TUNAR: variants seen among roughly 807,000 people sequenced by gnomAD.
TUNAR encodes the protein transmembrane neural differentiation associated intracellular calcium regulator.
At chr14:95,896,198 T>C (rs761767105) in intron 2 of TUNAR, among the ~76,000 whole-genome samples, 3 of 152,106 alleles carry the variant, frequency 2.0e-5, no homozygotes, top group Non-Finnish European at 4.4e-5. Flanking sequence ...TTCCTACCGA[T>C]CTCAACGATT....
At position 95,912,041 on chromosome 14, in the gene TUNAR, G is replaced by A. The variant is rs149796182; in HGVS notation, c.13-10740G>A. Among the ~76,000 whole-genome samples the A allele has an allele frequency of 8.4e-4, 128 of 152,290 alleles. 1 individual carries two copies. The highest frequency in any genetic ancestry group is 2.9e-3 in the African/African-American group (120 of 41,564). The stretch of plus-strand genomic sequence containing the variant: ...TGAAGATTTCTCCTTGCATACCGGC[G>A]TTGTTCTTGTCACTTGGCTGGTGAG... On this transcript the variant is annotated intron_variant, in intron 2 of 2. Transcript: ENST00000678517.
At chr14:95,913,263 T>C (rs188768811) in intron 2 of TUNAR, among the ~76,000 whole-genome samples, 1 of 151,928 alleles carries the variant, frequency 6.6e-6, no homozygotes, top group Admixed American at 6.6e-5. Flanking sequence ...CATCATCATC[T>C]AGGTTTTAAG....
intron 2 of TUNAR, among the ~76,000 whole-genome samples, chr14:95,903,506 C>T (rs1438925221): frequency 6.6e-6 from 1 of 152,334 alleles, no homozygotes; most frequent in African/African-American, 2.4e-5. Context: ...TTGTTCTGCT[C>T]GCAGAGTTCT....
chr14:95,892,239 C>T (rs1053100097), intron 2 of TUNAR, among the ~76,000 whole-genome samples: 2 of 152,232 alleles, frequency 1.3e-5, no homozygotes, highest in Non-Finnish European at 2.9e-5. Context: ...GTGGGTTCTC[C>T]TCAATCCCCT....
intron 2 of TUNAR, among the ~76,000 whole-genome samples, chr14:95,891,635 A>T (rs1889182321): frequency 6.6e-6 from 1 of 152,226 alleles, no homozygotes; most frequent in African/African-American, 2.4e-5. Flanking sequence ...TACACTCGCT[A>T]CACATGCAGT....
chr14:95,884,584 G>T (rs940244145), intron 2 of TUNAR, among the ~76,000 whole-genome samples: 1 of 152,242 alleles, frequency 6.6e-6, no homozygotes, highest in Non-Finnish European at 1.5e-5. Context: ...TCTAGGCACC[G>T]TGTTACAGGG....
At chr14:95,900,495 C>T (rs1889334895) in intron 2 of TUNAR, among the ~76,000 whole-genome samples, 1 of 152,196 alleles carries the variant, frequency 6.6e-6, no homozygotes, top group East Asian at 1.9e-4. Context: ...CAGGCCCATC[C>T]CAGGGCTGCT....
At chr14:95,888,314 G>A (rs767726384) in intron 2 of TUNAR, among the ~76,000 whole-genome samples, 1 of 152,208 alleles carries the variant, frequency 6.6e-6, no homozygotes, top group East Asian at 1.9e-4. Flanking sequence ...GCTTGATAAA[G>A]GAGTTAATTT....
At chr14:95,884,996 G>A (rs763097549) in intron 2 of TUNAR, among the ~76,000 whole-genome samples, 4 of 152,190 alleles carry the variant, frequency 2.6e-5, no homozygotes, top group Non-Finnish European at 5.9e-5. Context: ...CAAGTAGGAG[G>A]GAAAGATGGA....
intron 2 of TUNAR, among the ~76,000 whole-genome samples, chr14:95,880,138 G>A (rs989769426): frequency 6.0e-4 from 91 of 152,134 alleles, no homozygotes; most frequent in African/African-American, 2.2e-3. Context: ...GGGTGTGTAC[G>A]TTTGCATGTA....
exon 3 of TUNAR, chr14:95,923,092 C>T (rs1889724592): frequency 5.0e-6 from 2 of 397,246 alleles, no homozygotes; most frequent in South Asian, 1.4e-4. Flanking sequence ...CAATCAAATG[C>T]ACCTTCAAAC....
At chr14:95,897,057 A>G (rs1363352845) in intron 2 of TUNAR, among the ~76,000 whole-genome samples, 1 of 152,238 alleles carries the variant, frequency 6.6e-6, no homozygotes, top group Non-Finnish European at 1.5e-5. Flanking sequence ...ACACATGCAC[A>G]TTGTCACAAA....
intron 2 of TUNAR, among the ~76,000 whole-genome samples, chr14:95,901,100 A>T (rs1054390392): frequency 1.9e-4 from 29 of 152,072 alleles, no homozygotes; most frequent in Admixed American, 1.8e-3. Flanking sequence ...TGGGTAAGAG[A>T]CAGTCCAGGC....
chr14:95,909,434 C>T (rs2139667159), intron 2 of TUNAR, among the ~76,000 whole-genome samples: 1 of 152,186 alleles, frequency 6.6e-6, no homozygotes, highest in South Asian at 2.1e-4. Flanking sequence ...CGGGCACCCA[C>T]CACCATGCCT....
At chr14:95,912,774 G>A (rs1471091961) in intron 2 of TUNAR, among the ~76,000 whole-genome samples, 1 of 152,008 alleles carries the variant, frequency 6.6e-6, no homozygotes, top group African/African-American at 2.4e-5. Context: ...TCACATCGTG[G>A]GCATCTTCCT....
chr14:95,917,963 C>T (rs1889632967), intron 2 of TUNAR, among the ~76,000 whole-genome samples: 1 of 152,032 alleles, frequency 6.6e-6, no homozygotes, highest in African/African-American at 2.4e-5. Flanking sequence ...AGCCAATCCC[C>T]ACTTCCCCCT....
intron 2 of TUNAR, among the ~76,000 whole-genome samples, chr14:95,898,301 T>G (rs1889295890): frequency 6.6e-6 from 1 of 152,210 alleles, no homozygotes; most frequent in Non-Finnish European, 1.5e-5. Flanking sequence ...TCCAGAAGAT[T>G]ATAAGAATTC....
At chr14:95,919,669 C>A (rs1011283281) in intron 2 of TUNAR, among the ~76,000 whole-genome samples, 6 of 152,120 alleles carry the variant, frequency 3.9e-5, no homozygotes, top group African/African-American at 7.2e-5. Flanking sequence ...GCCGTGATCA[C>A]CCCACTGTAC....
At chr14:95,876,650 A>C (rs919374199) in intron 1 of TUNAR, 182 bp from the exon 1 acceptor site, 2 of 152,420 alleles carry the variant, frequency 1.3e-5, no homozygotes, top group African/African-American at 4.8e-5. Flanking sequence ...GGGGCGCTCG[A>C]AGAGCAGGGC....
Sources: gnomAD v4.1 joint callset for allele counts (sites outside exome capture counted in the v4.1 genomes callset) on GRCh38, gnomAD v4.1.1 for gene constraint, MANE v1.5 for transcripts, NCBI Gene and HGNC (gene_info 2026-07-23, HGNC 2026-07-21) for gene names.